ASH1L: variants seen among roughly 807,000 people sequenced by gnomAD.
The protein encoded by ASH1L is ASH1 like histone lysine methyltransferase.
Under a neutral mutation model 269.0 loss-of-function variants are expected in ASH1L, and 23 were observed. The ratio of observed to expected loss-of-function variants is 0.09; its 90% CI spans 0.06 to 0.12. The LOEUF (loss-of-function observed/expected upper bound fraction) is 0.12. Ranked by LOEUF, ASH1L falls within the 10% of genes least tolerant of loss-of-function variation. ASH1L has a pLI of 1.00. For synonymous variants in ASH1L, 1,187 were observed against 1,253.5 expected, an observed-to-expected ratio of 0.95 and a Z score of 1.12; for missense variants, 2,912 against 3,567.8, an observed-to-expected ratio of 0.82 and a Z score of 4.68.
At chr1:155,429,498 A>G (rs552434089) in intron 5 of ASH1L, among the ~76,000 whole-genome samples, 10 of 151,966 alleles carry the variant, frequency 6.6e-5, no homozygotes, top group Admixed American at 6.6e-4. Context: ...TCCTGGGTTC[A>G]AGCGATCCAC....
At chr1:155,415,946 A>G in intron 5 of ASH1L, 23 bp from the exon 6 acceptor site, 1 of 1,460,178 alleles carries the variant, frequency 6.8e-7, no homozygotes, top group Non-Finnish European at 9.1e-7. Flanking sequence ...GTTTAAAGAT[A>G]ATTTTATTAT....
intron 1 of ASH1L, among the ~76,000 whole-genome samples, chr1:155,527,805 C>T (rs935753091): frequency 1.3e-5 from 2 of 152,024 alleles, no homozygotes; most frequent in African/African-American, 4.8e-5. Context: ...CTCAGACTCC[C>T]GAGTAGCTGG....
Position 155,338,384 on chromosome 1 carries a change from G to C in ASH1L, c.8508C>G (p.Ser2836=). 1 of 1,611,920 alleles carries C rather than the reference G, an allele frequency of 6.2e-7. No individual in the cohort carries two copies. The change falls in exon 27 of 28, where the codon TCC becomes TCG. Residue 2836 remains serine (S), a synonymous_variant. Transcript: ENST00000392403. ...DNYKRNGGRS[S]WKSERSKPPL... ...GTGGCTTTGAGCGCTCAGACTTCCA[G>C]GATGATCTGCCAGAAGGATATCTGA... is the stretch of plus-strand genomic sequence containing the variant.
chr1:155,415,659 G>T (rs777948844), intron 6 of ASH1L, 85 bp downstream of exon 6: 367 of 1,438,554 alleles, frequency 2.6e-4, no homozygotes, highest in African/African-American at 5.6e-4. Context: ...AAACACAAAA[G>T]AATCTATATT....
chr1:155,410,629 C>T (rs1436092482), intron 6 of ASH1L, among the ~76,000 whole-genome samples: 1 of 151,932 alleles, frequency 6.6e-6, no homozygotes, highest in Non-Finnish European at 1.5e-5. Context: ...CGTGAGCAAT[C>T]GCACCTGGCC....
chr1:155,371,738 G>A (rs1370542146), intron 10 of ASH1L, among the ~76,000 whole-genome samples: 1 of 148,420 alleles, frequency 6.7e-6, no homozygotes, highest in Non-Finnish European at 1.5e-5. Flanking sequence ...CTGTTGCCCA[G>A]GCTGGAGTAT....
intron 15 of ASH1L, 126 bp downstream of exon 15, chr1:155,357,190 T>G: frequency 6.3e-6 from 2 of 319,832 alleles, no homozygotes; most frequent in Non-Finnish European, 1.2e-5. Context: ...GGTTCATAGA[T>G]CCCCTGAACC....
At chr1:155,426,091 G>T (rs1215740392) in intron 5 of ASH1L, among the ~76,000 whole-genome samples, 2 of 151,358 alleles carry the variant, frequency 1.3e-5, no homozygotes, top group East Asian at 1.9e-4. Flanking sequence ...TTAAGACAGG[G>T]TCTCACTCTG....
intron 4 of ASH1L, among the ~76,000 whole-genome samples, chr1:155,459,264 C>T (rs1664111533): frequency 6.6e-6 from 1 of 151,942 alleles, no homozygotes; most frequent in African/African-American, 2.4e-5. Context: ...GGAGTGATCT[C>T]CGCTCACTGC....
chr1:155,519,757 C>T (rs1176370089), intron 2 of ASH1L, among the ~76,000 whole-genome samples: 1 of 152,002 alleles, frequency 6.6e-6, no homozygotes, highest in African/African-American at 2.4e-5. Flanking sequence ...CTCCTGGATT[C>T]AAGCGATTCT....
At chr1:155,454,686 T>C (rs1038533424) in intron 4 of ASH1L, among the ~76,000 whole-genome samples, 3 of 152,134 alleles carry the variant, frequency 2.0e-5, no homozygotes, top group African/African-American at 4.8e-5. Flanking sequence ...GAGAATCGCA[T>C]GAACCTGGGA....
intron 19 of ASH1L, among the ~76,000 whole-genome samples, chr1:155,348,641 G>T (rs1169314528): frequency 6.6e-6 from 1 of 151,960 alleles, no homozygotes; most frequent in Non-Finnish European, 1.5e-5. Context: ...CAACACTCTG[G>T]GAGGCCAAGG....
intron 1 of ASH1L, among the ~76,000 whole-genome samples, chr1:155,530,577 A>T (rs1296872255): frequency 6.6e-6 from 1 of 151,026 alleles, no homozygotes; most frequent in East Asian, 1.9e-4. Context: ...AAAAAAAAAA[A>T]ATACAAAAAT....
At chr1:155,562,992 G>A (rs1392024917), upstream of ASH1L, 1 of 458,050 alleles carries the variant, frequency 2.2e-6, no homozygotes. Flanking sequence ...GGCAGGAGAG[G>A]AAGGGACGGG....
At chr1:155,466,556 T>C (rs1209990336) in intron 3 of ASH1L, among the ~76,000 whole-genome samples, 1 of 152,218 alleles carries the variant, frequency 6.6e-6, no homozygotes, top group Non-Finnish European at 1.5e-5. Flanking sequence ...TTTTCTATCA[T>C]GTTTTAAATC....
At position 155,338,186 on chromosome 1, in the gene ASH1L, G is replaced by A; in HGVS notation, c.8706C>T (p.Pro2902=). 1 of 1,614,020 alleles carries A rather than the reference G, an allele frequency of 6.2e-7. No individual in the cohort carries two copies. Among genetic ancestry groups the A allele is most frequent in the Non-Finnish European group, 8.5e-7 (1 of 1,180,024 alleles). ...GTTCCTCAGGGGTACAGGTTGACTG[G>A]GGTTCTTGACTACTTTCCTCTGTTT... The part of the protein sequence containing the change: ...EKKTEESSQE[P]QSTCTPEERR... Residue 2902 remains proline, a synonymous_variant, in exon 27 of 28, where the codon CCC becomes CCT. Coordinates refer to ENST00000392403, the MANE Select transcript of ASH1L (RefSeq NM_018489.3).
At chr1:155,404,616 C>T (rs1445225139) in intron 6 of ASH1L, among the ~76,000 whole-genome samples, 1 of 152,106 alleles carries the variant, frequency 6.6e-6, no homozygotes, top group Non-Finnish European at 1.5e-5. Context: ...AGGACTAACA[C>T]CTAGGTTACA....
At chr1:155,365,604 A>G (rs1655350343) in intron 12 of ASH1L, among the ~76,000 whole-genome samples, 1 of 151,696 alleles carries the variant, frequency 6.6e-6, no homozygotes, top group Non-Finnish European at 1.5e-5. Flanking sequence ...TCATTTCTCC[A>G]AAATCTGGAA....
At chr1:155,430,692 T>C (rs1661527837) in intron 5 of ASH1L, among the ~76,000 whole-genome samples, 1 of 152,250 alleles carries the variant, frequency 6.6e-6, no homozygotes, top group Non-Finnish European at 1.5e-5. Context: ...TGACTCTTAC[T>C]GTTATACATT....
Sources: allele counts gnomAD v4.1 joint callset (sites outside exome capture counted in the v4.1 genomes callset), GRCh38; gene constraint gnomAD v4.1.1; transcripts MANE v1.5; gene names NCBI Gene and HGNC (gene_info 2026-07-23, HGNC 2026-07-21).